The following PLXNA4 variants were observed in gnomAD, a reference collection of about 807,000 sequenced individuals.
PLXNA4 encodes plexin A4.
PLXNA4 carries 44 observed loss-of-function variants against 191.8 expected under a neutral mutation model. That is an observed-to-expected ratio of 0.23 (90% CI 0.18 to 0.29). PLXNA4 has a LOEUF of 0.29. Ranked by LOEUF, PLXNA4 falls within the 10% of genes least tolerant of loss-of-function variation. The probability of loss-of-function intolerance (pLI) is 1.00; values close to 1 mark genes in which losing one functional copy is unlikely to be tolerated. For synonymous variants in PLXNA4, 1,082 were observed against 1,009.5 expected, an observed-to-expected ratio of 1.07 and a Z score of -1.36; for missense variants, 1,800 against 2,488.8, an observed-to-expected ratio of 0.72 and a Z score of 5.89.
chr7:132,393,026 A>G (rs1218494252), intron 3 of PLXNA4, among the ~76,000 whole-genome samples: 1 of 131,402 alleles, frequency 7.6e-6, no homozygotes, highest in African/African-American at 2.9e-5. Context: ...ACCCTACCCC[A>G]TGCCCCAGCC....
At chr7:132,145,387 T>C (rs1031362201) in intron 28 of PLXNA4, 99 bp from the exon 29 acceptor site, 92 of 1,530,778 alleles carry the variant, frequency 6.0e-5, no homozygotes, top group Non-Finnish European at 7.7e-5. Flanking sequence ...GAGGATGGTA[T>C]ACAGCCCACC....
At chr7:132,273,481 C>A (rs1209201276) in intron 4 of PLXNA4, among the ~76,000 whole-genome samples, 1 of 152,190 alleles carries the variant, frequency 6.6e-6, no homozygotes, top group Non-Finnish European at 1.5e-5. Flanking sequence ...AACTTTTCTT[C>A]TGACCTTGAT....
chr7:132,329,427 C>T (rs571289319), intron 3 of PLXNA4, among the ~76,000 whole-genome samples: 27 of 152,260 alleles, frequency 1.8e-4, no homozygotes, highest in South Asian at 6.2e-4. Flanking sequence ...CTGTTTGTGC[C>T]CCCCAGGACT....
intron 3 of PLXNA4, among the ~76,000 whole-genome samples, chr7:132,460,997 G>A (rs1796483061): frequency 6.6e-6 from 1 of 152,170 alleles, no homozygotes; most frequent in African/African-American, 2.4e-5. Context: ...ATTTTCCTAT[G>A]AGATAGATTT....
chr7:132,570,693 T>C (rs1423448938), intron 1 of PLXNA4, among the ~76,000 whole-genome samples: 1 of 152,238 alleles, frequency 6.6e-6, no homozygotes, highest in Non-Finnish European at 1.5e-5. Context: ...ACCTCGGGAA[T>C]TGATTCAGCG....
intron 1 of PLXNA4, among the ~76,000 whole-genome samples, chr7:132,574,722 C>T (rs189599492): frequency 1.3e-5 from 2 of 152,202 alleles, no homozygotes; most frequent in East Asian, 1.9e-4. Context: ...ATCTCCCTCC[C>T]GGGGTGTCTG....
At chr7:132,515,259 A>G (rs1798892031) in intron 1 of PLXNA4, among the ~76,000 whole-genome samples, 1 of 152,194 alleles carries the variant, frequency 6.6e-6, no homozygotes, top group South Asian at 2.1e-4. Flanking sequence ...AGTACTGAGA[A>G]GAGCAGAACT....
At chr7:132,564,018 C>T (rs1801571261) in intron 1 of PLXNA4, among the ~76,000 whole-genome samples, 1 of 36,722 alleles carries the variant, frequency 2.7e-5, no homozygotes, top group Non-Finnish European at 6.6e-5. Context: ...TTCTCCTCCT[C>T]CTTCTCCTCC....
chr7:132,609,548 G>A (rs1803006123), intron 2 of PLXNA4, among the ~76,000 whole-genome samples: 1 of 152,178 alleles, frequency 6.6e-6, no homozygotes, highest in Admixed American at 6.5e-5. Flanking sequence ...ATGGGGGTTG[G>A]TGGCCATTAC....
chr7:132,447,496 T>C lies in PLXNA4; in HGVS notation c.1371+41796A>G, dbSNP rs546534548. Among the ~76,000 whole-genome samples, 9 of 152,242 alleles carry C rather than the reference T, an allele frequency of 5.9e-5. No homozygotes were observed. In the South Asian group the frequency reaches 1.7e-3, roughly 28 times the overall value. ...AAAGGGGATTATGAGGAAGACCAAA[T>C]GGACTGAGAGATAGAGGTGGGAAGG... is the stretch of plus-strand genomic sequence containing the variant. On this transcript the variant is annotated intron_variant, in intron 3 of 31. Transcript: ENST00000321063.
chr7:132,142,474 T>C (rs186399093), intron 29 of PLXNA4, among the ~76,000 whole-genome samples: 1 of 152,228 alleles, frequency 6.6e-6, no homozygotes, highest in Non-Finnish European at 1.5e-5. Context: ...ATTTCTATAC[T>C]TGCTCTATCT....
At chr7:132,424,820 A>C (rs1378967662) in intron 3 of PLXNA4, among the ~76,000 whole-genome samples, 5 of 152,252 alleles carry the variant, frequency 3.3e-5, no homozygotes, top group Non-Finnish European at 7.3e-5. Context: ...TAGGAAAAAA[A>C]CGAGGTTCTG....
chr7:132,123,840 GT>G lies in PLXNA4; in HGVS notation c.*6638del, dbSNP rs1297089513. On this transcript the variant is annotated 3_prime_UTR_variant, in exon 32 of 32. Coordinates refer to ENST00000321063, the MANE Select transcript of PLXNA4 (RefSeq NM_020911.2). ...GTTCCTTAAACCACCCTTCCATCCT[GT>G]TTCTCCCCTTCTCTAGCATTTGAAG... The G allele has an allele frequency of 6.6e-6, 1 of 152,282 alleles. No homozygotes were observed. The highest frequency in any genetic ancestry group is 2.4e-5 in the African/African-American group (1 of 41,412). The allele number at this position is 152,282 out of a possible 1,614,324, so 9.4% of individuals were successfully genotyped here. A position where few individuals can be genotyped will look rare whatever the true frequency, so the allele number is the denominator to read the frequency against.
intron 1 of PLXNA4, among the ~76,000 whole-genome samples, chr7:132,532,510 C>T (rs752705574): frequency 1.3e-5 from 2 of 152,130 alleles, no homozygotes; most frequent in African/African-American, 2.4e-5. Flanking sequence ...TCTTTCCTGC[C>T]TTGTTTGAAA....
At position 132,140,808 on chromosome 7, in the gene PLXNA4, C is replaced by A. The variant is rs757384350; in HGVS notation, c.5229G>T (p.Leu1743=). ...HVRHTWKSNC[L]PLRFWVNMIK... ...TCATGTTGACCCAAAACCTCAGGGG[C>A]AGGCTGCGTGGAAGGAAGAGGCAGA... The change falls in exon 30 of 32, where the codon CTG becomes CTT. Residue 1743 remains leucine (L), a synonymous_variant. Transcript: ENST00000321063. 5.0e-6 allele frequency: 8 copies of A among 1,613,826 alleles called. No individual in the cohort carries two copies. The highest frequency in any genetic ancestry group is 5.1e-6 in the Non-Finnish European group (6 of 1,179,890).
At chr7:132,137,056 A>G (rs1017977532) in intron 30 of PLXNA4, among the ~76,000 whole-genome samples, 1 of 152,182 alleles carries the variant, frequency 6.6e-6, no homozygotes, top group African/African-American at 2.4e-5. Context: ...CAACTCACTC[A>G]TGATGGATAC....
chr7:132,429,858 A>G (rs2288975), intron 3 of PLXNA4, among the ~76,000 whole-genome samples: 11,981 of 152,186 alleles, frequency 0.079, 1,148 homozygotes, highest in East Asian at 0.29. Flanking sequence ...GCTATTACCA[A>G]CTATGCAAGC....
chr7:132,341,592 C>T (rs1803030232), intron 3 of PLXNA4, among the ~76,000 whole-genome samples: 1 of 152,152 alleles, frequency 6.6e-6, no homozygotes, highest in African/African-American at 2.4e-5. Flanking sequence ...CACACTCACA[C>T]CTTCTAATTC....
chr7:132,642,954 T>C (rs994571863), intron 2 of PLXNA4, among the ~76,000 whole-genome samples: 2 of 152,130 alleles, frequency 1.3e-5, no homozygotes, highest in Admixed American at 6.5e-5. Flanking sequence ...CACATGCTTA[T>C]ATGTGCTAGA....
Sources: gnomAD v4.1 joint callset for allele counts (sites outside exome capture counted in the v4.1 genomes callset) on GRCh38, gnomAD v4.1.1 for gene constraint, MANE v1.5 for transcripts, NCBI Gene and HGNC (gene_info 2026-07-23, HGNC 2026-07-21) for gene names.